The following KAZN variants were observed in gnomAD, a reference collection of about 807,000 sequenced individuals.
KAZN encodes the protein kazrin.
A neutral mutation model predicts 87.4 loss-of-function variants in KAZN; 40 were observed. That is an observed-to-expected ratio of 0.46 (90% CI 0.36 to 0.60). The LOEUF is 0.60. Ranked by LOEUF, KAZN falls within the 20% of genes least tolerant of loss-of-function variation. The pLI, the probability that KAZN is intolerant of heterozygous loss-of-function variation, is 0.00. For missense variants in KAZN, 898 were observed against 1,073.9 expected (o/e 0.84, Z 2.29); for synonymous variants, 466 against 458.3 (o/e 1.02, Z -0.22).
chr1:15,025,286 T>G (rs1455572230), intron 2 of KAZN, among the ~76,000 whole-genome samples: 1 of 152,220 alleles, frequency 6.6e-6, no homozygotes, highest in Non-Finnish European at 1.5e-5. Flanking sequence ...GTTTGGAGTT[T>G]TTTTGCCACC....
intron 1 of KAZN, among the ~76,000 whole-genome samples, chr1:14,702,944 T>G (rs1349369923): frequency 6.6e-6 from 1 of 152,238 alleles, no homozygotes; most frequent in Non-Finnish European, 1.5e-5. Flanking sequence ...ATTTTTGGCT[T>G]ACGATGTTCT....
intron 1 of KAZN, among the ~76,000 whole-genome samples, chr1:13,956,076 T>G (rs1264586276): frequency 2.0e-5 from 3 of 152,252 alleles, no homozygotes; most frequent in Non-Finnish European, 4.4e-5. Flanking sequence ...GGTGCATTAA[T>G]TAATCCCAAT....
At chr1:14,661,067 G>A (rs1639140029) in intron 1 of KAZN, among the ~76,000 whole-genome samples, 1 of 152,162 alleles carries the variant, frequency 6.6e-6, no homozygotes, top group Non-Finnish European at 1.5e-5. Context: ...GCCGAGCCCT[G>A]TATTAGGCCT....
intron 1 of KAZN, among the ~76,000 whole-genome samples, chr1:14,144,326 T>A (rs1355411143): frequency 6.6e-6 from 1 of 152,208 alleles, no homozygotes; most frequent in Non-Finnish European, 1.5e-5. Flanking sequence ...CTGACTTTGG[T>A]GGACCACATC....
chr1:14,019,570 C>T (rs1025853055), intron 1 of KAZN, among the ~76,000 whole-genome samples: 1 of 152,174 alleles, frequency 6.6e-6, no homozygotes, highest in Non-Finnish European at 1.5e-5. Context: ...AGAACCTCCA[C>T]CTGCCAGCAG....
intron 1 of KAZN, among the ~76,000 whole-genome samples, chr1:14,100,408 G>A (rs1258832509): frequency 6.6e-6 from 1 of 152,198 alleles, no homozygotes; most frequent in Admixed American, 6.5e-5. Context: ...GCGCACAGTT[G>A]CACTCAGGGC....
At chr1:14,686,135 C>A (rs1278732640) in intron 1 of KAZN, among the ~76,000 whole-genome samples, 1 of 152,164 alleles carries the variant, frequency 6.6e-6, no homozygotes, top group Non-Finnish European at 1.5e-5. Flanking sequence ...GTGGCGTGAT[C>A]TCAGCTCACT....
chr1:13,924,380 A>C (rs1640189432), intron 1 of KAZN, among the ~76,000 whole-genome samples: 1 of 152,246 alleles, frequency 6.6e-6, no homozygotes, highest in Admixed American at 6.5e-5. Context: ...AATACACTGA[A>C]GCAAATAAAG....
chr1:14,275,451 T>C (rs1652275318), intron 2 of KAZN, among the ~76,000 whole-genome samples: 1 of 100,874 alleles, frequency 9.9e-6, no homozygotes, highest in African/African-American at 2.9e-5. Context: ...ATACTGTGTG[T>C]GTGTGTGTGT....
intron 1 of KAZN, among the ~76,000 whole-genome samples, chr1:14,042,585 G>T (rs546615351): frequency 1.3e-5 from 2 of 152,278 alleles, no homozygotes; most frequent in East Asian, 3.9e-4. Context: ...TATATTGTGG[G>T]TTAGTGATAC....
chr1:14,988,362 G>A (rs758585961), intron 2 of KAZN, among the ~76,000 whole-genome samples: 8 of 152,212 alleles, frequency 5.3e-5, no homozygotes, highest in African/African-American at 1.2e-4. Context: ...GCCCCCAGGG[G>A]CATCTCTGTT....
intron 2 of KAZN, among the ~76,000 whole-genome samples, chr1:14,375,402 C>T (rs147263914): frequency 1.0e-3 from 155 of 152,158 alleles, no homozygotes; most frequent in African/African-American, 3.5e-3. Flanking sequence ...CACCCAAGCC[C>T]GAGATAAAAT....
intron 1 of KAZN, among the ~76,000 whole-genome samples, chr1:14,621,442 G>A (rs1213548533): frequency 6.6e-6 from 1 of 152,182 alleles, no homozygotes; most frequent in Admixed American, 6.5e-5. Context: ...TATTCTGCTA[G>A]ACTCTGGGCT....
intron 1 of KAZN, among the ~76,000 whole-genome samples, chr1:14,030,471 C>T (rs1156440260): frequency 6.6e-6 from 1 of 151,804 alleles, no homozygotes; most frequent in Non-Finnish European, 1.5e-5. Context: ...GGGAGATACA[C>T]CTAATGCTAG....
chr1:14,698,870 G>C (rs1337160838), intron 1 of KAZN, among the ~76,000 whole-genome samples: 4 of 152,226 alleles, frequency 2.6e-5, no homozygotes, highest in African/African-American at 9.6e-5. Flanking sequence ...AAGCTCCGCT[G>C]GTCTAACCAC....
intron 2 of KAZN, among the ~76,000 whole-genome samples, chr1:14,498,700 AAAAAT>A (rs967448225): frequency 2.6e-5 from 4 of 152,094 alleles, no homozygotes; most frequent in East Asian, 1.9e-4. Context: ...TCAAAATAAA[AAAAAT>A]AAAATAAAGG....
At chr1:14,364,936 T>C (rs557471921) in intron 2 of KAZN, among the ~76,000 whole-genome samples, 1 of 152,284 alleles carries the variant, frequency 6.6e-6, no homozygotes, top group South Asian at 2.1e-4. Context: ...AGAGAGAGGT[T>C]CTGACTATGT....
Position 14,917,955 on chromosome 1 carries a change from C to T in KAZN, c.227-42729C>T, listed in dbSNP as rs558844781. Among the ~76,000 whole-genome samples, 8 of 151,994 alleles carry T rather than the reference C, an allele frequency of 5.3e-5. No individual in the cohort carries two copies. The South Asian group carries it at 6.2e-4, about 12-fold the overall frequency. ...GTGCAGTGGCGCGATCTCAGCTCAC[C>T]GCAACCTCTGCCTCCTGGGTTCAAG... On this transcript the variant is annotated intron_variant, in intron 1 of 14. Coordinates refer to ENST00000376030, the MANE Select transcript of KAZN (RefSeq NM_201628.3).
chr1:13,988,437 AC>A (rs1248440080), intron 1 of KAZN, among the ~76,000 whole-genome samples: 1 of 152,130 alleles, frequency 6.6e-6, no homozygotes, highest in African/African-American at 2.4e-5. Context: ...TTTCCAAGAG[AC>A]CTAGTAGGGT....
Sources: allele counts gnomAD v4.1 joint callset (sites outside exome capture counted in the v4.1 genomes callset), GRCh38; gene constraint gnomAD v4.1.1; transcripts MANE v1.5; gene names NCBI Gene and HGNC (gene_info 2026-07-23, HGNC 2026-07-21).